The following FAM210A variants were observed in gnomAD, a reference collection of about 807,000 sequenced individuals.
FAM210A encodes family with sequence similarity 210 member A.
A neutral mutation model predicts 25.3 loss-of-function variants in FAM210A; 13 were observed. The ratio of observed to expected loss-of-function variants is 0.51; its 90% CI spans 0.33 to 0.82. The LOEUF (loss-of-function observed/expected upper bound fraction) is 0.82. FAM210A is among the 40% of genes least tolerant of loss of function. The pLI is 0.02. For missense variants in FAM210A, 319 were observed against 323.2 expected (o/e 0.99, Z 0.10); for synonymous variants, 125 against 118.7 (o/e 1.05, Z -0.35).
Position 13,675,974 on chromosome 18 carries a change from C to G in FAM210A, c.474-4001G>C. Among the ~76,000 whole-genome samples the G allele has an allele frequency of 9.5e-5, 2 of 21,030 alleles. 1 individual carries two copies. Among genetic ancestry groups the G allele is most frequent in the Non-Finnish European group, 2.7e-4 (2 of 7,400 alleles). 13.8% of individuals were successfully genotyped at this position (21,030 alleles called of 152,430 possible). A position where few individuals can be genotyped will look rare whatever the true frequency, so the allele number is the denominator to read the frequency against. On this transcript the variant is annotated intron_variant, in intron 2 of 3. Coordinates refer to ENST00000651643, the MANE Select transcript of FAM210A (RefSeq NM_152352.4). The stretch of plus-strand genomic sequence containing the variant: ...TTCCTGATTATTAACATTCCTGAGC[C>G]GTGGTAACTTCTTTATTTCCAGTTT...
chr18:13,702,731 T>G (rs1251997934), intron 1 of FAM210A, among the ~76,000 whole-genome samples: 4 of 152,224 alleles, frequency 2.6e-5, no homozygotes, highest in Admixed American at 1.3e-4. Flanking sequence ...TCTTTCATAG[T>G]GGTGATCCGG....
chr18:13,682,346 C>T (rs1479140241), intron 1 of FAM210A, among the ~76,000 whole-genome samples: 1 of 152,180 alleles, frequency 6.6e-6, no homozygotes, highest in African/African-American at 2.4e-5. Flanking sequence ...GCGGGTGGAT[C>T]ACCTGAGATC....
At chr18:13,669,113 C>CT (rs1370717988) in intron 3 of FAM210A, among the ~76,000 whole-genome samples, 3 of 152,194 alleles carry the variant, frequency 2.0e-5, no homozygotes, top group Admixed American at 2.0e-4. Flanking sequence ...GCAACCACGT[C>CT]TTTAAAACGT....
intron 3 of FAM210A, among the ~76,000 whole-genome samples, chr18:13,670,243 G>A (rs887884101): frequency 6.6e-6 from 1 of 152,124 alleles, no homozygotes; most frequent in Non-Finnish European, 1.5e-5. Flanking sequence ...TATGGGAGTG[G>A]GATAAGGAGC....
intron 1 of FAM210A, among the ~76,000 whole-genome samples, chr18:13,684,271 C>A (rs548616009): frequency 6.6e-6 from 1 of 151,986 alleles, no homozygotes; most frequent in Admixed American, 6.6e-5. Flanking sequence ...TGGTGGTGCA[C>A]GCCTGTAATC....
chr18:13,694,005 C>G (rs893204504), intron 1 of FAM210A, among the ~76,000 whole-genome samples: 1 of 152,158 alleles, frequency 6.6e-6, no homozygotes. Flanking sequence ...CCCAAAATCT[C>G]CTTAAACCTG....
intron 1 of FAM210A, among the ~76,000 whole-genome samples, chr18:13,720,833 TGAA>T (rs1393837372): frequency 6.6e-6 from 1 of 152,020 alleles, no homozygotes; most frequent in African/African-American, 2.4e-5. Flanking sequence ...TCAAAGGGGG[TGAA>T]GAAGAATCTG....
At chr18:13,674,090 G>C (rs3132837) in intron 2 of FAM210A, among the ~76,000 whole-genome samples, 1 of 135,732 alleles carries the variant, frequency 7.4e-6, no homozygotes, top group Admixed American at 7.3e-5. Context: ...CTGAGCCCTG[G>C]CTTCTTTATT....
chr18:13,725,840 G>A (rs960604304), intron 1 of FAM210A, among the ~76,000 whole-genome samples: 2 of 152,162 alleles, frequency 1.3e-5, no homozygotes, highest in Non-Finnish European at 2.9e-5. Flanking sequence ...GCATCCTTAG[G>A]TATTTGTCAA....
chr18:13,678,618 T>C (rs140153879), intron 2 of FAM210A, among the ~76,000 whole-genome samples: 7 of 152,344 alleles, frequency 4.6e-5, no homozygotes, highest in African/African-American at 1.7e-4. Flanking sequence ...TTGATGACTT[T>C]TCTTAAAAAT....
intron 1 of FAM210A, among the ~76,000 whole-genome samples, chr18:13,704,865 TTAAC>T (rs2043766238): frequency 6.6e-6 from 1 of 152,208 alleles, no homozygotes; most frequent in African/African-American, 2.4e-5. Context: ...ATCTGTGTCT[TTAAC>T]TATAACTATT....
chr18:13,673,658 C>T (rs2043463768), intron 2 of FAM210A, among the ~76,000 whole-genome samples: 3 of 132,428 alleles, frequency 2.3e-5, no homozygotes, highest in Admixed American at 2.3e-4. Flanking sequence ...TCTTTATTTC[C>T]AGTTTCCTGA....
chr18:13,714,997 T>G (rs2043849010), intron 1 of FAM210A: 1 of 152,082 alleles, frequency 6.6e-6, no homozygotes, highest in Non-Finnish European at 1.5e-5. Context: ...GAAGATATAT[T>G]GGTTACTGGA....
intron 1 of FAM210A, among the ~76,000 whole-genome samples, chr18:13,683,371 T>G (rs1490647515): frequency 1.3e-5 from 2 of 152,144 alleles, no homozygotes; most frequent in Non-Finnish European, 2.9e-5. Context: ...TAGAGTGATG[T>G]CTCACTATTT....
At chr18:13,714,519 G>A (rs2043845462) in intron 1 of FAM210A, among the ~76,000 whole-genome samples, 1 of 152,178 alleles carries the variant, frequency 6.6e-6, no homozygotes, top group Admixed American at 6.5e-5. Flanking sequence ...GCAAGAAAGT[G>A]ATATGATAAA....
intron 1 of FAM210A, among the ~76,000 whole-genome samples, chr18:13,699,299 G>A (rs1245393873): frequency 6.6e-6 from 1 of 151,940 alleles, no homozygotes; most frequent in Non-Finnish European, 1.5e-5. Flanking sequence ...CTGCTTTGGG[G>A]GCTTTCTAAT....
intron 2 of FAM210A, among the ~76,000 whole-genome samples, chr18:13,672,896 C>T (rs766577521): frequency 1.7e-4 from 26 of 152,190 alleles, no homozygotes; most frequent in Admixed American, 4.6e-4. Context: ...ACATATACCG[C>T]GACAAATTTC....
At chr18:13,689,902 G>A (rs1004706927) in intron 1 of FAM210A, among the ~76,000 whole-genome samples, 1 of 152,198 alleles carries the variant, frequency 6.6e-6, no homozygotes, top group Admixed American at 6.5e-5. Context: ...GAGGTACCGG[G>A]TTCATCTCAC....
At chr18:13,720,496 A>G (rs1456374205) in intron 1 of FAM210A, among the ~76,000 whole-genome samples, 1 of 152,170 alleles carries the variant, frequency 6.6e-6, no homozygotes, top group Admixed American at 6.5e-5. Context: ...CATGCCCTAC[A>G]CTACTCCAGT....
Sources: allele counts gnomAD v4.1 joint callset (sites outside exome capture counted in the v4.1 genomes callset), GRCh38; gene constraint gnomAD v4.1.1; transcripts MANE v1.5; gene names NCBI Gene and HGNC (gene_info 2026-07-23, HGNC 2026-07-21).